Variants in KCTD8 observed in about 807,000 individuals in gnomAD.
The protein encoded by KCTD8 is BTB/POZ domain-containing protein KCTD8.
A neutral mutation model predicts 31.5 loss-of-function variants in KCTD8; 27 were observed. The observed-to-expected ratio is 0.86, with a 90% CI of 0.63 to 1.18. KCTD8 has a LOEUF of 1.18. Among genes scored for constraint, KCTD8 ranks in the 50% most tolerant of loss-of-function variants. The pLI is 0.00. For synonymous variants in KCTD8, 290 were observed against 280.0 expected (o/e 1.04, Z -0.36); for missense variants, 658 against 647.7 (o/e 1.02, Z -0.17).
At chr4:44,446,460 C>G (rs1721939505) in intron 1 of KCTD8, among the ~76,000 whole-genome samples, 1 of 152,144 alleles carries the variant, frequency 6.6e-6, no homozygotes, top group Non-Finnish European at 1.5e-5. Context: ...TTCGTTTGTC[C>G]AAATCGCTCT....
At chr4:44,348,996 A>G (rs11732997) in intron 1 of KCTD8, among the ~76,000 whole-genome samples, 97,102 of 151,682 alleles carry the variant, frequency 0.64, 31,313 homozygotes, top group East Asian at 0.77. Context: ...TATAAGGTGT[A>G]TTTGTAGACA....
chr4:44,189,638 C>A (rs1043221421), intron 1 of KCTD8, among the ~76,000 whole-genome samples: 1 of 152,018 alleles, frequency 6.6e-6, no homozygotes, highest in Non-Finnish European at 1.5e-5. Flanking sequence ...TCTACCCATT[C>A]CAACATACAT....
chr4:44,270,572 G>C (rs1483792862), intron 1 of KCTD8, among the ~76,000 whole-genome samples: 6 of 151,716 alleles, frequency 4.0e-5, no homozygotes. Flanking sequence ...GGTGACCTTA[G>C]GCCTTTTCTT....
intron 1 of KCTD8, among the ~76,000 whole-genome samples, chr4:44,440,334 T>C (rs1426643402): frequency 6.6e-6 from 1 of 152,210 alleles, no homozygotes; most frequent in Non-Finnish European, 1.5e-5. Context: ...ATCTGTTCCA[T>C]ATTTTAGTTA....
At chr4:44,413,108 C>G (rs1039698792) in intron 1 of KCTD8, among the ~76,000 whole-genome samples, 5 of 152,098 alleles carry the variant, frequency 3.3e-5, no homozygotes, top group African/African-American at 1.2e-4. Context: ...TAGAGTAAAT[C>G]CTATTTTAAC....
chr4:44,266,961 C>T (rs1716391907), intron 1 of KCTD8, among the ~76,000 whole-genome samples: 1 of 152,052 alleles, frequency 6.6e-6, no homozygotes, highest in African/African-American at 2.4e-5. Flanking sequence ...TTTAACACCC[C>T]ACTGTCAACA....
At chr4:44,298,964 T>C (rs1337339172) in intron 1 of KCTD8, among the ~76,000 whole-genome samples, 1 of 151,300 alleles carries the variant, frequency 6.6e-6, no homozygotes, top group African/African-American at 2.5e-5. Context: ...TAAAAAAAAG[T>C]TCCAAGTTTT....
At chr4:44,291,053 A>G (rs1188223735) in intron 1 of KCTD8, among the ~76,000 whole-genome samples, 1 of 152,094 alleles carries the variant, frequency 6.6e-6, no homozygotes, top group Non-Finnish European at 1.5e-5. Context: ...AGACAAAATT[A>G]TTAGACCATT....
At chr4:44,289,390 C>T (rs931301557) in intron 1 of KCTD8, among the ~76,000 whole-genome samples, 1 of 151,950 alleles carries the variant, frequency 6.6e-6, no homozygotes, top group African/African-American at 2.4e-5. Flanking sequence ...AGGGATAGAG[C>T]AAAATAAGTC....
chr4:44,348,429 A>T (rs1188435834), intron 1 of KCTD8, among the ~76,000 whole-genome samples: 1 of 152,196 alleles, frequency 6.6e-6, no homozygotes, highest in Non-Finnish European at 1.5e-5. Context: ...AATAAATGCA[A>T]ACTACAGTGA....
chr4:44,316,392 C>T (rs1450651254), intron 1 of KCTD8, among the ~76,000 whole-genome samples: 1 of 151,778 alleles, frequency 6.6e-6, no homozygotes, highest in Non-Finnish European at 1.5e-5. Flanking sequence ...TCTCTATTTC[C>T]TCCAGGGTTG....
At chr4:44,370,460 A>T (rs1034843345) in intron 1 of KCTD8, among the ~76,000 whole-genome samples, 1 of 152,214 alleles carries the variant, frequency 6.6e-6, no homozygotes, top group Non-Finnish European at 1.5e-5. Flanking sequence ...CACGAAGTCT[A>T]CTGCTAAGTA....
chr4:44,331,298 G>T (rs1020673160), intron 1 of KCTD8, among the ~76,000 whole-genome samples: 2 of 151,802 alleles, frequency 1.3e-5, no homozygotes, highest in Non-Finnish European at 2.9e-5. Context: ...AAGGACCAGA[G>T]TATTAATCAC....
Position 44,378,238 on chromosome 4 carries a change from A to AATATATATAT in KCTD8, c.961+69315_961+69324dup, listed in dbSNP as rs34144469. 5.5e-3 allele frequency among the ~76,000 whole-genome samples: 786 copies of AATATATATAT among 143,724 alleles called. 1 individual carries two copies. The highest frequency in any genetic ancestry group is 6.9e-3 in the Non-Finnish European group (457 of 65,978). The allele number at this position is 143,724 out of a possible 152,430, so 94.3% of individuals were successfully genotyped here. ...TGTATATTTTATATATATATGTATA[A>AATATATATAT]ATATATATATATATATATATCTCCA... On this transcript the variant is annotated intron_variant, in intron 1 of 1. Transcript: ENST00000360029.
chr4:44,394,265 T>C (rs538543718), intron 1 of KCTD8, among the ~76,000 whole-genome samples: 4 of 152,126 alleles, frequency 2.6e-5, no homozygotes, highest in African/African-American at 9.6e-5. Flanking sequence ...TGCCCTTTTA[T>C]ACAGGCAAAG....
At chr4:44,234,886 G>A (rs1038789241) in intron 1 of KCTD8, among the ~76,000 whole-genome samples, 1 of 152,124 alleles carries the variant, frequency 6.6e-6, no homozygotes. Context: ...AGAAAATGCA[G>A]GCCCAGGCTC....
At chr4:44,275,750 T>C (rs1716733390) in intron 1 of KCTD8, among the ~76,000 whole-genome samples, 1 of 152,048 alleles carries the variant, frequency 6.6e-6, no homozygotes, top group South Asian at 2.1e-4. Flanking sequence ...TGTTACATTT[T>C]GCATGCCCAT....
At chr4:44,395,655 T>C (rs1720483754) in intron 1 of KCTD8, among the ~76,000 whole-genome samples, 1 of 152,186 alleles carries the variant, frequency 6.6e-6, no homozygotes, top group African/African-American at 2.4e-5. Context: ...CTCTTGATTA[T>C]GCCCACAGTC....
intron 1 of KCTD8, among the ~76,000 whole-genome samples, chr4:44,182,522 T>C (rs533204427): frequency 3.4e-4 from 52 of 152,306 alleles, no homozygotes; most frequent in African/African-American, 1.2e-3. Context: ...ATGTGCTGTG[T>C]CCACTCAGGG....
Sources: allele counts gnomAD v4.1 joint callset (sites outside exome capture counted in the v4.1 genomes callset), GRCh38; gene constraint gnomAD v4.1.1; transcripts MANE v1.5; gene names NCBI Gene and HGNC (gene_info 2026-07-23, HGNC 2026-07-21).